SOX5: variants seen among roughly 807,000 people sequenced by gnomAD.
SOX5 encodes the protein SRY-box transcription factor 5.
A neutral mutation model predicts 92.0 loss-of-function variants in SOX5; 9 were observed. The observed-to-expected ratio is 0.10, with a 90% CI of 0.06 to 0.17. The LOEUF (loss-of-function observed/expected upper bound fraction) is 0.17. SOX5 is among the 10% of genes least tolerant of loss of function. SOX5 has a pLI of 1.00. For missense variants in SOX5, 642 were observed against 944.5 expected, an observed-to-expected ratio of 0.68 and a Z score of 4.20; for synonymous variants, 344 against 336.3, an observed-to-expected ratio of 1.02 and a Z score of -0.25.
intron 1 of SOX5, among the ~76,000 whole-genome samples, chr12:23,904,230 T>A (rs890975056): frequency 1.6e-4 from 24 of 152,174 alleles, no homozygotes; most frequent in Admixed American, 1.5e-3. Context: ...TTCAAACTTT[T>A]ATACCATTTT....
Position 24,542,151 on chromosome 12 carries a change from A to T in SOX5, c.-251+20178T>A, listed in dbSNP as rs192641054. Among the ~76,000 whole-genome samples the T allele has an allele frequency of 4.6e-5, 7 of 152,196 alleles. No homozygotes were observed. The South Asian group carries it at 6.2e-4, about 14-fold the overall frequency. On this transcript the variant is annotated intron_variant, in intron 1 of 4. Transcript: ENST00000446891. ...TGATATATGACCCCTGCCTCCTCCAACCTCAACCTTCACAGCCTTGGCCCT... is the reference window on the plus strand; with the variant it reads ...TGATATATGACCCCTGCCTCCTCCATCCTCAACCTTCACAGCCTTGGCCCT...
intron 2 of SOX5, among the ~76,000 whole-genome samples, chr12:24,320,875 A>AATC (rs1457298508): frequency 5.3e-5 from 4 of 75,100 alleles, no homozygotes; most frequent in Admixed American, 1.3e-4. Context: ...AAAAAAAAAT[A>AATC]ATAATAATAA....
chr12:23,720,195 A>C (rs2092736849), intron 6 of SOX5, among the ~76,000 whole-genome samples: 2 of 152,234 alleles, frequency 1.3e-5, no homozygotes, highest in South Asian at 4.1e-4. Flanking sequence ...TTAAAACAAT[A>C]GGAAACTAAG....
rs190865943 is a variant in SOX5, at chr12:23,942,769, G to T, written c.38+6795C>A. On this transcript the variant is annotated intron_variant, in intron 1 of 14. Transcript: ENST00000451604. ...CAATGTGACAGAATTGATTGGGAAA[G>T]GTAGGGGAACCAAGAGTGCATAGGA... Among the ~76,000 whole-genome samples the T allele has an allele frequency of 3.3e-5, 5 of 151,788 alleles. No homozygotes were observed. In the East Asian group the frequency reaches 5.8e-4, roughly 18 times the overall value.
intron 2 of SOX5, among the ~76,000 whole-genome samples, chr12:24,312,106 G>A (rs1949238842): frequency 6.6e-6 from 1 of 152,088 alleles, no homozygotes; most frequent in Admixed American, 6.5e-5. Flanking sequence ...AACTAACATT[G>A]AGACCACAAC....
chr12:24,089,620 C>T (rs1311813469), intron 4 of SOX5, among the ~76,000 whole-genome samples: 1 of 152,068 alleles, frequency 6.6e-6, no homozygotes, highest in Non-Finnish European at 1.5e-5. Context: ...GAAATTGAGG[C>T]ACAGAAGTAC....
intron 2 of SOX5, among the ~76,000 whole-genome samples, chr12:24,297,124 G>T (rs1787915572): frequency 6.6e-6 from 1 of 152,140 alleles, no homozygotes; most frequent in Non-Finnish European, 1.5e-5. Context: ...ATAGAGTTTA[G>T]GTTCTTTCTT....
chr12:24,000,751 G>A lies in SOX5; in HGVS notation c.-1-104727C>T, dbSNP rs1338315918. ...CATGAAATACTGTAATCAAAAGGGAGAGACTGTAATGCAAGATTTTTTTAA... is the reference window on the plus strand; with the variant it reads ...CATGAAATACTGTAATCAAAAGGGAAAGACTGTAATGCAAGATTTTTTTAA... On this transcript the variant is annotated intron_variant, in intron 4 of 4. Coordinates refer to the SOX5 transcript ENST00000446891. Among the ~76,000 whole-genome samples the A allele has an allele frequency of 2.0e-5, 3 of 152,094 alleles. No homozygotes were observed. In the South Asian group the frequency reaches 6.2e-4, roughly 31 times the overall value.
intron 1 of SOX5, among the ~76,000 whole-genome samples, chr12:24,458,638 C>T (rs189566883): frequency 6.6e-6 from 1 of 152,288 alleles, no homozygotes; most frequent in East Asian, 1.9e-4. Flanking sequence ...CCTTACTAAA[C>T]AAAGTGTGAT....
intron 2 of SOX5, among the ~76,000 whole-genome samples, chr12:24,284,423 T>C (rs1040752981): frequency 1.1e-5 from 1 of 88,378 alleles, no homozygotes; most frequent in African/African-American, 3.8e-5. Context: ...AGGCACACGT[T>C]TTTTTTCTTT....
chr12:23,561,845 G>T (rs979700588), intron 11 of SOX5, among the ~76,000 whole-genome samples: 1 of 150,246 alleles, frequency 6.7e-6, no homozygotes, highest in African/African-American at 2.4e-5. Context: ...ACAGATGCTT[G>T]CTGAATGCAA....
intron 1 of SOX5, among the ~76,000 whole-genome samples, chr12:24,561,083 CT>C (rs963403704): frequency 2.0e-5 from 3 of 152,226 alleles, no homozygotes; most frequent in African/African-American, 7.2e-5. Flanking sequence ...GGGACACCTC[CT>C]TATGCCTTCC....
At position 23,833,145 on chromosome 12, in the gene SOX5, A is replaced by C. The variant is rs183512931; in HGVS notation, c.481+12838T>G. On this transcript the variant is annotated intron_variant, in intron 3 of 14. Transcript: ENST00000451604. ...ATTTCCAGGATCTATAAAGCCTCTGAAGAAACTCATGAATCCTGAGTCTGG... is the reference window on the plus strand; with the variant it reads ...ATTTCCAGGATCTATAAAGCCTCTGCAGAAACTCATGAATCCTGAGTCTGG... Among the ~76,000 whole-genome samples, 7 of 152,160 alleles carry C rather than the reference A, an allele frequency of 4.6e-5. No individual in the cohort carries two copies. In the East Asian group the frequency reaches 1.3e-3, roughly 29 times the overall value.
At chr12:23,855,015 G>C (rs941889813) in intron 2 of SOX5, among the ~76,000 whole-genome samples, 6 of 151,768 alleles carry the variant, frequency 4.0e-5, no homozygotes, top group African/African-American at 1.5e-4. Context: ...AGGCATATTA[G>C]CCTATAAAGA....
intron 4 of SOX5, among the ~76,000 whole-genome samples, chr12:24,203,904 T>C (rs1427964083): frequency 6.6e-6 from 1 of 152,174 alleles, no homozygotes; most frequent in Non-Finnish European, 1.5e-5. Context: ...TCATGTGGGG[T>C]ACCCTGAATA....
chr12:23,907,207 C>CAG (rs140614508), intron 1 of SOX5, among the ~76,000 whole-genome samples: 1 of 150,812 alleles, frequency 6.6e-6, no homozygotes, highest in Admixed American at 6.6e-5. Context: ...CACGTGCGTG[C>CAG]AGAGAGAGAG....
intron 1 of SOX5, among the ~76,000 whole-genome samples, chr12:23,907,646 G>A (rs1448277747): frequency 6.6e-6 from 1 of 151,742 alleles, no homozygotes; most frequent in African/African-American, 2.4e-5. Context: ...GGGAATGTTT[G>A]TAATAATCTG....
chr12:24,422,748 C>T (rs1371130374), intron 1 of SOX5, among the ~76,000 whole-genome samples: 2 of 152,222 alleles, frequency 1.3e-5, no homozygotes, highest in Non-Finnish European at 2.9e-5. Flanking sequence ...CAGTGGCTCA[C>T]ACCTGTAATC....
At chr12:24,298,783 C>CAAAAAAAAA (rs10657648) in intron 2 of SOX5, among the ~76,000 whole-genome samples, 11 of 96,668 alleles carry the variant, frequency 1.1e-4, no homozygotes, top group African/African-American at 2.1e-4. Context: ...CCAGAGTAGT[C>CAAAAAAAAA]AAAAAAAAAA....
Sources: gnomAD v4.1 joint callset for allele counts (sites outside exome capture counted in the v4.1 genomes callset) on GRCh38, gnomAD v4.1.1 for gene constraint, MANE v1.5 for transcripts, NCBI Gene and HGNC (gene_info 2026-07-23, HGNC 2026-07-21) for gene names.